LMO7: variants seen among roughly 807,000 people sequenced by gnomAD.
The protein encoded by LMO7 is LIM domain 7.
LMO7 carries 120 observed loss-of-function variants against 206.5 expected under a neutral mutation model. The observed-to-expected ratio is 0.58, with a 90% CI of 0.50 to 0.68. LMO7 has a LOEUF of 0.68. Among genes scored for constraint, LMO7 ranks in the 30% least tolerant of loss-of-function variants. LMO7 has a pLI of 0.00. For synonymous variants in LMO7, 706 were observed against 681.5 expected, an observed-to-expected ratio of 1.04 and a Z score of -0.56; for missense variants, 1,959 against 1,957.9, an observed-to-expected ratio of 1.00 and a Z score of -0.01.
intron 11 of LMO7, among the ~76,000 whole-genome samples, chr13:75,816,140 C>A (rs149983345): frequency 6.6e-6 from 1 of 152,202 alleles, no homozygotes; most frequent in South Asian, 2.1e-4. Flanking sequence ...AATTACAATT[C>A]CATGAGCTAG....
At chr13:75,849,314 G>T (rs764816411) in intron 27 of LMO7, 22 bp downstream of exon 27, 3 of 1,580,170 alleles carry the variant, frequency 1.9e-6, no homozygotes, top group Non-Finnish European at 2.6e-6. Context: ...CTTAGGAATT[G>T]GTTTCTTGTC....
rs1382336382 is a variant in LMO7, at chr13:75,834,325, C to A, written c.3164C>A (p.Ala1055Asp). The A allele has an allele frequency of 1.2e-6, 2 of 1,610,930 alleles. No individual in the cohort carries two copies. The highest frequency in any genetic ancestry group is 1.7e-6 in the Non-Finnish European group (2 of 1,178,452). The change falls in exon 17 of 31, where the codon GCC (alanine) becomes GAC (aspartate). Residue 1055 changes from alanine to aspartate, a missense_variant. By Grantham distance (126) the Ala-to-Asp change is moderately radical. Transcript: ENST00000377534. ...SYNDSKEWEE[A>D]MAKAQETGHL... ...AACGATTCAAAAGAGTGGGAGGAAG[C>A]CATGGCTAAGGCTCAAGAAACTGGA...
chr13:75,704,993 C>G (rs117929675), intron 1 of LMO7, among the ~76,000 whole-genome samples: 7 of 152,170 alleles, frequency 4.6e-5, no homozygotes, highest in African/African-American at 1.7e-4. Context: ...TCTACAGAAC[C>G]TGTTTTTTAA....
At chr13:75,759,192 G>A (rs752777732) in intron 3 of LMO7, among the ~76,000 whole-genome samples, 2 of 152,016 alleles carry the variant, frequency 1.3e-5, no homozygotes, top group Non-Finnish European at 2.9e-5. Flanking sequence ...TGATCCAATC[G>A]CCTCTCTCCC....
chr13:75,717,586 A>G (rs1372032691), intron 2 of LMO7, among the ~76,000 whole-genome samples: 3 of 151,794 alleles, frequency 2.0e-5, no homozygotes, highest in Non-Finnish European at 4.4e-5. Context: ...AGAAAAATAT[A>G]TATTTTTTTA....
In LMO7 at chr13:75,859,730, A is replaced by G. The variant is rs993590771; in HGVS notation, c.*1787A>G. 4 of 152,186 alleles carry G rather than the reference A, an allele frequency of 2.6e-5. No homozygotes were observed. Among genetic ancestry groups the G allele is most frequent in the African/African-American group, 9.7e-5 (4 of 41,446 alleles). The allele number at this position is 152,186 out of a possible 1,614,324, so 9.4% of individuals were successfully genotyped here. A position where few individuals can be genotyped will look rare whatever the true frequency, so the allele number is the denominator to read the frequency against. ...AAAGGCACTGCTGGCTTCGACTCCT[A>G]TAAGCAGCACGTGGGCTTGTTCATC... is the stretch of plus-strand genomic sequence containing the variant. On this transcript the variant is annotated 3_prime_UTR_variant, in exon 31 of 31. Transcript: ENST00000377534.
At chr13:75,827,498 G>A (rs991677042) in intron 15 of LMO7, among the ~76,000 whole-genome samples, 2 of 152,160 alleles carry the variant, frequency 1.3e-5, no homozygotes, top group Admixed American at 1.3e-4. Flanking sequence ...CCTCATAGCT[G>A]AGCTGGGGGT....
rs1040411072 is a variant in LMO7, at chr13:75,817,206, G to A, written c.1992G>A (p.Leu664=). Residue 664 remains leucine, a synonymous_variant, in exon 12 of 31, where the codon TTG becomes TTA. Transcript: ENST00000377534. ...SDVSAEDVQN[L]RQLRYEEMQK... is the part of the protein sequence containing the mutation. ...TCAGCGCAGAAGATGTTCAAAACTT[G>A]CGTCAGCTGCGTTACGAGGAGATGC... The A allele has an allele frequency of 4.3e-6, 7 of 1,613,712 alleles. No individual in the cohort carries two copies. In the African/African-American group the frequency reaches 5.3e-5, roughly 12 times the overall value.
At chr13:75,758,520 A>G (rs2047874290) in intron 3 of LMO7, among the ~76,000 whole-genome samples, 1 of 152,170 alleles carries the variant, frequency 6.6e-6, no homozygotes. Context: ...GATTTAAAAG[A>G]TATTCTGCTG....
intron 8 of LMO7, 42 bp downstream of exon 8, chr13:75,804,583 G>C: frequency 6.3e-7 from 1 of 1,588,100 alleles, no homozygotes; most frequent in Non-Finnish European, 8.6e-7. Flanking sequence ...TATGCTTTTC[G>C]AATATGGTAG....
At chr13:75,663,143 ATCTC>A (rs905034786) in intron 1 of LMO7, among the ~76,000 whole-genome samples, 3 of 151,560 alleles carry the variant, frequency 2.0e-5, no homozygotes, top group Non-Finnish European at 2.9e-5. Context: ...TTTACTATAA[ATCTC>A]TCTCTCTATA....
chr13:75,829,197 C>A (rs2058419067), intron 15 of LMO7, among the ~76,000 whole-genome samples: 1 of 152,070 alleles, frequency 6.6e-6, no homozygotes, highest in Admixed American at 6.6e-5. Flanking sequence ...AAAAGAGGAA[C>A]ATGCTAATGA....
rs1172182322 is a variant in LMO7, at chr13:75,804,460, A to G, written c.833A>G (p.Lys278Arg). 22 of 1,614,086 alleles carry G rather than the reference A, an allele frequency of 1.4e-5. No homozygotes were observed. The highest frequency in any genetic ancestry group is 8.5e-6 in the Non-Finnish European group (10 of 1,180,020). ...QPSYVPAPLR[K>R]KKPDKHEDNR... ...TCCTATGTACCAGCACCTCTGAGAA[A>G]GAAAAAGCCAGACAAACATGAGGAT... is the stretch of plus-strand genomic sequence containing the variant. Residue 278 changes from lysine to arginine, a missense_variant, in exon 8 of 31, where the codon AAG (lysine) becomes AGG (arginine). Physicochemically the swap from Lys to Arg is conservative, Grantham distance 26. Transcript: ENST00000377534.
intron 10 of LMO7, among the ~76,000 whole-genome samples, chr13:75,808,645 T>C (rs1242654168): frequency 1.3e-5 from 2 of 152,242 alleles, no homozygotes; most frequent in Non-Finnish European, 2.9e-5. Flanking sequence ...ATTTTTGGTT[T>C]TGGCCTAGGT....
Position 75,807,966 on chromosome 13 carries a change from TGAAA to T in LMO7, c.1685_1688del (p.Glu562GlyfsTer15), listed in dbSNP as rs771243279. The T allele has an allele frequency of 1.2e-6, 2 of 1,613,932 alleles. No homozygotes were observed. Among genetic ancestry groups the T allele is most frequent in the South Asian group, 2.2e-5 (2 of 91,072 alleles). ...TTCAAGCAAAATTTCTCTGTGTACT[TGAAA>T]GGACATGCCCATCCAAAGAAAAAAG... On this transcript the variant is annotated frameshift_variant, in exon 10 of 31. Transcript: ENST00000377534. LOFTEE classifies it high-confidence loss of function.
rs1451058008 is a variant in LMO7 at position 75,683,944 on chromosome 13, A to G, written c.70-29238A>G. 2.6e-5 allele frequency among the ~76,000 whole-genome samples: 4 copies of G among 152,236 alleles called. No individual in the cohort carries two copies. The East Asian group carries it at 5.8e-4, about 22-fold the overall frequency. On this transcript the variant is annotated intron_variant, in intron 1 of 30. Transcript: ENST00000377534. ...TTTTATGCAGATGAAGCCTCCAGGT[A>G]GCAGGCTTCAGAGAGAATAAATTGT...
In LMO7 at chr13:75,623,291, C is replaced by T. The variant is rs373855252; in HGVS notation, c.196C>T (p.Gln66Ter). The change falls in exon 2 of 30, where the codon CAA becomes TAA. Residue 66 changes from glutamine to a stop codon, truncating the protein, a stop_gained. Coordinates refer to the LMO7 transcript ENST00000341547. LOFTEE classifies it high-confidence loss of function. Reference sequence around the variant, plus strand: ...CACAGATATAATTTTGAGGACTGAACAAAATTCAGGAAGGACTATTCTCAT... The same window carrying T: ...CACAGATATAATTTTGAGGACTGAATAAAATTCAGGAAGGACTATTCTCAT... The T allele has an allele frequency of 6.9e-7, 1 of 1,456,386 alleles. No individual in the cohort carries two copies. The highest frequency in any genetic ancestry group is 9.6e-7 in the Non-Finnish European group (1 of 1,039,892). The allele number at this position is 1,456,386 out of a possible 1,614,324, so 90.2% of individuals were successfully genotyped here.
chr13:75,754,593 T>G (rs1220018200), intron 3 of LMO7, among the ~76,000 whole-genome samples: 2 of 152,024 alleles, frequency 1.3e-5, no homozygotes, highest in Non-Finnish European at 2.9e-5. Flanking sequence ...GGAAAATAAT[T>G]AAAATAACAA....
intron 1 of LMO7, among the ~76,000 whole-genome samples, chr13:75,659,993 A>G (rs1204068603): frequency 1.3e-5 from 2 of 152,210 alleles, no homozygotes; most frequent in Non-Finnish European, 2.9e-5. Flanking sequence ...AGTACAGATC[A>G]AAACTCCATT....
Sources: gnomAD v4.1 joint callset for allele counts (sites outside exome capture counted in the v4.1 genomes callset) on GRCh38, gnomAD v4.1.1 for gene constraint, MANE v1.5 for transcripts, NCBI Gene and HGNC (gene_info 2026-07-23, HGNC 2026-07-21) for gene names.